MAST4: variants seen among roughly 807,000 people sequenced by gnomAD.
MAST4 encodes the protein microtubule-associated serine/threonine-protein kinase 4.
A neutral mutation model predicts 162.7 loss-of-function variants in MAST4; 89 were observed. The observed-to-expected ratio is 0.55, with a 90% CI of 0.46 to 0.65. The LOEUF is 0.65. MAST4 is among the 30% of genes least tolerant of loss of function. The pLI is 0.00. For missense variants in MAST4, 3,153 were observed against 3,374.0 expected (o/e 0.93, Z 1.62); for synonymous variants, 1,479 against 1,361.1 (o/e 1.09, Z -1.91).
intron 4 of MAST4, among the ~76,000 whole-genome samples, chr5:66,978,509 T>TA (rs1294413512): frequency 6.6e-6 from 1 of 152,226 alleles, no homozygotes; most frequent in Non-Finnish European, 1.5e-5. Context: ...TTAGTTAAGT[T>TA]AGACACCTGA....
rs556308553 is a variant in MAST4, at chr5:66,748,178, A to G, written c.364-11531A>G. Among the ~76,000 whole-genome samples, 8 of 152,114 alleles carry G rather than the reference A, an allele frequency of 5.3e-5. No individual in the cohort carries two copies. The South Asian group carries it at 1.7e-3, about 32-fold the overall frequency. ...TCTAGATGTTCCTCTCCTCAACTCC[A>G]ATGAAGTTCCCAGTGGGCAGGGATT... On this transcript the variant is annotated intron_variant, in intron 1 of 28. Transcript: ENST00000403625.
chr5:66,848,503 G>C (rs904911125), intron 3 of MAST4, among the ~76,000 whole-genome samples: 5 of 152,106 alleles, frequency 3.3e-5, no homozygotes, highest in African/African-American at 1.2e-4. Context: ...CCAATGATCA[G>C]TTAGCCTCCG....
chr5:66,773,934 T>C (rs1212920396), intron 2 of MAST4, among the ~76,000 whole-genome samples: 1 of 152,252 alleles, frequency 6.6e-6, no homozygotes, highest in Non-Finnish European at 1.5e-5. Flanking sequence ...GGATTTTGCA[T>C]AAGGTTGTGC....
chr5:67,165,568 CCAG>C lies in MAST4; in HGVS notation c.6395_6397del (p.Ser2132del). ...AAGGAGCAGCCTCTACAAAGGCATCCCAGCAGCATCCCTCCGCCCCCTCTGACG... is the reference window on the plus strand; with the variant it reads ...AAGGAGCAGCCTCTACAAAGGCATCCCAGCATCCCTCCGCCCCCTCTGACG... On this transcript the variant is annotated inframe_deletion, in exon 29 of 29. Transcript: ENST00000403625. The C allele has an allele frequency of 1.9e-6, 3 of 1,613,906 alleles. No individual in the cohort carries two copies. Among genetic ancestry groups the C allele is most frequent in the Non-Finnish European group, 2.5e-6 (3 of 1,179,842 alleles).
chr5:66,907,702 T>C (rs979842211), intron 4 of MAST4, among the ~76,000 whole-genome samples: 4 of 151,782 alleles, frequency 2.6e-5, no homozygotes, highest in Non-Finnish European at 4.4e-5. Context: ...CTTGACTGCC[T>C]GTCTAGAAAA....
chr5:66,770,764 CTTCA>C (rs748449663), intron 2 of MAST4, among the ~76,000 whole-genome samples: 4 of 152,204 alleles, frequency 2.6e-5, no homozygotes, highest in Non-Finnish European at 4.4e-5. Flanking sequence ...GGGAGCCAGG[CTTCA>C]TTAGCAAATT....
intron 4 of MAST4, among the ~76,000 whole-genome samples, chr5:66,949,570 T>C (rs1055029820): frequency 6.6e-6 from 1 of 152,186 alleles, no homozygotes; most frequent in African/African-American, 2.4e-5. Context: ...CTCTTGTCTT[T>C]ATAAATTACC....
At chr5:66,957,174 T>TA (rs1745418309) in intron 4 of MAST4, among the ~76,000 whole-genome samples, 1 of 152,228 alleles carries the variant, frequency 6.6e-6, no homozygotes, top group South Asian at 2.1e-4. Flanking sequence ...AGGTCTACTT[T>TA]AAAAGTTAAA....
intron 6 of MAST4, among the ~76,000 whole-genome samples, chr5:67,093,390 T>A (rs1764077174): frequency 6.6e-6 from 1 of 152,224 alleles, no homozygotes; most frequent in Non-Finnish European, 1.5e-5. Context: ...TGTACTTGTG[T>A]GATACCTTTC....
At chr5:66,618,033 T>TGGGGGG (rs66792189) in intron 1 of MAST4, among the ~76,000 whole-genome samples, 2 of 143,732 alleles carry the variant, frequency 1.4e-5, no homozygotes, top group Non-Finnish European at 3.1e-5. Context: ...CTGGGAGGAA[T>TGGGGGG]GGGGGGGGGG....
chr5:66,801,751 A>C (rs1755933190), intron 3 of MAST4, among the ~76,000 whole-genome samples: 1 of 152,194 alleles, frequency 6.6e-6, no homozygotes, highest in Admixed American at 6.5e-5. Context: ...AATTGACACA[A>C]GTGTTGACAG....
At chr5:66,967,935 C>G (rs77329248) in intron 4 of MAST4, among the ~76,000 whole-genome samples, 8,230 of 152,168 alleles carry the variant, frequency 0.054, 327 homozygotes, top group Middle Eastern at 0.11. Context: ...AATTGGCTAC[C>G]ACTTAGGAGC....
At chr5:67,010,812 G>A (rs916407960) in intron 4 of MAST4, among the ~76,000 whole-genome samples, 1 of 152,136 alleles carries the variant, frequency 6.6e-6, no homozygotes, top group African/African-American at 2.4e-5. Flanking sequence ...GGAAACTCAT[G>A]GATGACTTGA....
At chr5:66,716,446 A>C (rs1327001162) in intron 1 of MAST4, among the ~76,000 whole-genome samples, 1 of 152,102 alleles carries the variant, frequency 6.6e-6, no homozygotes, top group African/African-American at 2.4e-5. Flanking sequence ...CATGAGCTCA[A>C]GCAATCCTCC....
At chr5:67,061,402 T>C (rs1354240245) in intron 5 of MAST4, among the ~76,000 whole-genome samples, 1 of 152,216 alleles carries the variant, frequency 6.6e-6, no homozygotes, top group Admixed American at 6.5e-5. Flanking sequence ...GTCCCTCTCT[T>C]TTGTTTAATT....
chr5:67,146,548 A>C (rs1326143749), intron 23 of MAST4, among the ~76,000 whole-genome samples: 1 of 152,206 alleles, frequency 6.6e-6, no homozygotes. Context: ...AATGATTCCA[A>C]GATTTTTCGT....
intron 4 of MAST4, among the ~76,000 whole-genome samples, chr5:66,911,569 CCCCCCCGCAA>C (rs11276401): frequency 0.03 from 2,610 of 86,448 alleles, 153 homozygotes; most frequent in African/African-American, 0.096. Flanking sequence ...CCCCCCCCCC[CCCCCCCGCAA>C]AAAAAAATTA....
intron 14 of MAST4, among the ~76,000 whole-genome samples, chr5:67,129,062 T>C (rs752751742): frequency 2.0e-4 from 30 of 152,328 alleles, no homozygotes; most frequent in South Asian, 6.2e-4. Context: ...CTAGACATAA[T>C]TGGCTCTATA....
chr5:66,664,967 A>G (rs1382329612), intron 1 of MAST4, among the ~76,000 whole-genome samples: 3 of 152,202 alleles, frequency 2.0e-5, no homozygotes, highest in Admixed American at 6.5e-5. Context: ...AAGCACAGAT[A>G]AGAGCTGAAG....
Sources: gnomAD v4.1 joint callset for allele counts (sites outside exome capture counted in the v4.1 genomes callset) on GRCh38, gnomAD v4.1.1 for gene constraint, MANE v1.5 for transcripts, NCBI Gene and HGNC (gene_info 2026-07-23, HGNC 2026-07-21) for gene names.